Variants in PPFIA1 observed in about 807,000 individuals in gnomAD.
PPFIA1 encodes the protein liprin-alpha-1.
A neutral mutation model predicts 149.9 loss-of-function variants in PPFIA1; 25 were observed. The observed-to-expected ratio is 0.17, with a 90% CI of 0.12 to 0.23. The LOEUF (loss-of-function observed/expected upper bound fraction) is 0.23, where lower values mean the gene tolerates loss of function less well. Ranked by LOEUF, PPFIA1 falls within the 10% of genes least tolerant of loss-of-function variation. The pLI is 1.00. For missense variants in PPFIA1, 1,362 were observed against 1,506.5 expected (o/e 0.90, Z 1.59); for synonymous variants, 549 against 552.8 (o/e 0.99, Z 0.10).
chr11:70,380,305 C>T (rs918683845), intron 26 of PPFIA1, among the ~76,000 whole-genome samples: 2 of 151,790 alleles, frequency 1.3e-5, no homozygotes, highest in African/African-American at 4.8e-5. Context: ...CGGTGGCTCA[C>T]GCCTGTAATC....
Position 70,333,532 on chromosome 11 carries a change from G to T in PPFIA1, c.1275G>T (p.Glu425Asp). ...RLRQMEAQLE[E>D]KNQELQRARQ... ...GACAGATGGAAGCACAGTTGGAGGAGAAGAATCAAGAACTGCAGCGGGTGA... is the reference window on the plus strand; with the variant it reads ...GACAGATGGAAGCACAGTTGGAGGATAAGAATCAAGAACTGCAGCGGGTGA... Residue 425 changes from glutamate (E) to aspartate (D), a missense_variant, in exon 10 of 28, where the codon GAG (glutamate) becomes GAT (aspartate). By Grantham distance (45) the Glu-to-Asp change is conservative. Around this residue, in one of 7 missense-constraint regions of PPFIA1, gnomAD observed 733 missense variants for 744.1 expected, o/e 0.99. Coordinates refer to ENST00000253925, the MANE Select transcript of PPFIA1 (RefSeq NM_003626.5). 1.2e-6 allele frequency: 2 copies of T among 1,612,426 alleles called. No homozygotes were observed. The highest frequency in any genetic ancestry group is 1.7e-6 in the Non-Finnish European group (2 of 1,179,314).
chr11:70,303,666 A>C (rs1471201441), intron 2 of PPFIA1, among the ~76,000 whole-genome samples: 2 of 152,222 alleles, frequency 1.3e-5, no homozygotes, highest in Non-Finnish European at 2.9e-5. Context: ...TGTGCTGATC[A>C]GGTGACTGGT....
In PPFIA1 at chr11:70,382,119, T is replaced by C; in HGVS notation, c.3582T>C (p.Ser1194=). The change falls in exon 27 of 28, where the codon TCT becomes TCC. Residue 1194 remains serine, a synonymous_variant. Coordinates refer to ENST00000253925, the MANE Select transcript of PPFIA1 (RefSeq NM_003626.5). ...TATCAGGAACACAGAGGTTGGATTC[T>C]GCTACAGTCAGGACTTACTCCTGCT... The part of the protein sequence containing the change: ...GNVSGTQRLD[S]ATVRTYSC 1 of 1,614,086 alleles carries C rather than the reference T, an allele frequency of 6.2e-7. No homozygotes were observed. The highest frequency in any genetic ancestry group is 8.5e-7 in the Non-Finnish European group (1 of 1,180,000).
At chr11:70,366,167 A>G (rs1192134219) in intron 21 of PPFIA1, among the ~76,000 whole-genome samples, 1 of 152,192 alleles carries the variant, frequency 6.6e-6, no homozygotes, top group Non-Finnish European at 1.5e-5. Flanking sequence ...AATTTTGAAC[A>G]TTTCTCATAT....
chr11:70,356,092 G>A (rs2056346437), intron 18 of PPFIA1, 69 bp from the exon 19 acceptor site: 2 of 1,241,736 alleles, frequency 1.6e-6, no homozygotes, highest in Non-Finnish European at 2.3e-6. Context: ...ATATTCATCT[G>A]CCTATTTATG....
chr11:70,334,694 C>G (rs2054864117), intron 10 of PPFIA1: 1 of 152,286 alleles, frequency 6.6e-6, no homozygotes, highest in South Asian at 2.1e-4. Context: ...CCCATGTTTT[C>G]CCAGTGCAGA....
chr11:70,327,763 A>G (rs1474123039), intron 7 of PPFIA1: 1 of 132,008 alleles, frequency 7.6e-6, no homozygotes, highest in African/African-American at 3.5e-5. Context: ...GCAGAGCGAG[A>G]CTCCGTCTCA....
At chr11:70,295,226 C>G (rs1429762641) in intron 2 of PPFIA1, among the ~76,000 whole-genome samples, 4 of 141,570 alleles carry the variant, frequency 2.8e-5, no homozygotes, top group Non-Finnish European at 3.1e-5. Context: ...GCTGGCCGGG[C>G]GAGGGGCTGA....
intron 24 of PPFIA1, chr11:70,375,408 A>G (rs2057453001): frequency 5.0e-6 from 1 of 200,362 alleles, no homozygotes; most frequent in South Asian, 1.9e-4. Context: ...GATTTTATTA[A>G]TTTTGTTTTT....
At chr11:70,281,027 T>C (rs2050732101) in intron 2 of PPFIA1, among the ~76,000 whole-genome samples, 1 of 152,372 alleles carries the variant, frequency 6.6e-6, no homozygotes, top group South Asian at 2.1e-4. Flanking sequence ...TCTAGTTCTC[T>C]AGTGAAATTT....
At chr11:70,313,937 G>A (rs571596512) in intron 2 of PPFIA1, among the ~76,000 whole-genome samples, 1 of 152,296 alleles carries the variant, frequency 6.6e-6, no homozygotes, top group Non-Finnish European at 1.5e-5. Flanking sequence ...AGAATCACCT[G>A]AGCCTAGGAA....
intron 19 of PPFIA1, among the ~76,000 whole-genome samples, chr11:70,356,640 A>G (rs1463092507): frequency 6.6e-6 from 1 of 152,194 alleles, no homozygotes; most frequent in Non-Finnish European, 1.5e-5. Flanking sequence ...CATACCTTGT[A>G]TGGCTTTTAT....
chr11:70,315,115 G>A (rs2053523667), intron 2 of PPFIA1, among the ~76,000 whole-genome samples: 1 of 152,150 alleles, frequency 6.6e-6, no homozygotes. Context: ...GGAATTAGGG[G>A]ATTATAATTC....
chr11:70,286,506 C>T (rs936463838), intron 2 of PPFIA1, among the ~76,000 whole-genome samples: 12 of 152,174 alleles, frequency 7.9e-5, no homozygotes, highest in Admixed American at 6.5e-4. Flanking sequence ...CCTTCTTGGC[C>T]TCCCAAAGTG....
intron 5 of PPFIA1, 30 bp downstream of exon 5, chr11:70,325,604 T>G (rs749330211): frequency 1.4e-6 from 2 of 1,460,198 alleles, no homozygotes; most frequent in Admixed American, 3.4e-5. Context: ...ATGAGTTGAA[T>G]TGGGGGGGGG....
At chr11:70,369,114 A>G in intron 21 of PPFIA1, among the ~76,000 whole-genome samples, 1 of 152,076 alleles carries the variant, frequency 6.6e-6, no homozygotes, top group Non-Finnish European at 1.5e-5. Flanking sequence ...ATTAAGTATG[A>G]TGTTCACTGT....
chr11:70,276,029 A>T (rs957379052), intron 2 of PPFIA1, among the ~76,000 whole-genome samples: 1 of 152,208 alleles, frequency 6.6e-6, no homozygotes, highest in African/African-American at 2.4e-5. Context: ...ATGAGCAGGT[A>T]TTAAATTTCT....
At position 70,356,241 on chromosome 11, in the gene PPFIA1, A is replaced by G. The variant is rs761111315; in HGVS notation, c.2569A>G (p.Lys857Glu). 6.2e-6 allele frequency: 10 copies of G among 1,613,302 alleles called. No individual in the cohort carries two copies. Among genetic ancestry groups the G allele is most frequent in the Non-Finnish European group, 8.5e-6 (10 of 1,179,482 alleles). The stretch of plus-strand genomic sequence containing the variant: ...GGGGGGACAGGCTGAAAAAAATCGT[A>G]AACTTCAAAAAAAGTAAGCTTTGTG... ...KLGGQAEKNR[K>E]LQKKHELLEE... is the part of the protein sequence containing the mutation. Residue 857 changes from lysine (K) to glutamate (E), a missense_variant, in exon 19 of 28, where the codon AAA becomes GAA. Physicochemically the swap from Lys to Glu is moderately conservative, Grantham distance 56. Transcript: ENST00000253925.
chr11:70,314,151 C>G (rs911326664), intron 2 of PPFIA1, among the ~76,000 whole-genome samples: 2 of 152,154 alleles, frequency 1.3e-5, no homozygotes, highest in Non-Finnish European at 2.9e-5. Context: ...CCAGGAGCAC[C>G]AGCATTCTGT....
Sources: gnomAD v4.1 joint callset for allele counts (sites outside exome capture counted in the v4.1 genomes callset) on GRCh38, gnomAD v4.1.1 for gene constraint, gnomAD v4.1.1 regional missense constraint, MANE v1.5 for transcripts, NCBI Gene and HGNC (gene_info 2026-07-23, HGNC 2026-07-21) for gene names.